The following NQO1 variants were observed in gnomAD, a reference collection of about 807,000 sequenced individuals.
NQO1 encodes NAD(P)H quinone dehydrogenase 1.
A neutral mutation model predicts 32.1 loss-of-function variants in NQO1; 30 were observed. That is an observed-to-expected ratio of 0.94 (90% CI 0.70 to 1.27). NQO1 has a LOEUF of 1.27. NQO1 is among the 50% of genes most tolerant of loss of function. The pLI is 0.00. For missense variants in NQO1, 276 were observed against 331.3 expected (o/e 0.83, Z 1.30); for synonymous variants, 109 against 119.7 (o/e 0.91, Z 0.59).
At position 69,711,181 on chromosome 16, in the gene NQO1, C is replaced by T. The variant is rs71534277; in HGVS notation, c.620G>A (p.Gly207Glu). ...AATATTCTCCAGGCGTTTCTTCCAT[C>T]CTTCCAGGATTTGAATTCGGGCGTC... ...PADARIQILE[G>E]WKKRLENIWD... The change falls in exon 6 of 6, where the codon GGA (glycine) becomes GAA (glutamate). Residue 207 changes from glycine to glutamate, a missense_variant. By Grantham distance (98) the Gly-to-Glu change is moderately conservative (BLOSUM62 -2). Transcript: ENST00000320623. 1 of 1,614,194 alleles carries T rather than the reference C, an allele frequency of 6.2e-7. No homozygotes were observed. Among genetic ancestry groups the T allele is most frequent in the Non-Finnish European group, 8.5e-7 (1 of 1,180,042 alleles).
intron 3 of NQO1, 65 bp from the exon 4 acceptor site, chr16:69,715,142 A>G (rs2038097097): frequency 2.5e-6 from 3 of 1,179,080 alleles, no homozygotes; most frequent in Non-Finnish European, 3.8e-6. Context: ...GGTGGCTCGG[A>G]GTGCTGAGCC....
At chr16:69,711,654 CT>C (rs903633662) in intron 5 of NQO1, among the ~76,000 whole-genome samples, 371 of 136,660 alleles carry the variant, frequency 2.7e-3, no homozygotes, top group African/African-American at 5.0e-3. Context: ...TTTTCTTTTT[CT>C]TTTTTTTTTT....
chr16:69,710,734 C>CATTAAAAAA lies in NQO1; in HGVS notation c.*241_*242insTTTTTTAAT. ...CCTTTAAAGAACATTTTTCTAGCAT[C>CATTAAAAAA]TTTCTACATCTTTCCCTAAGTGGCC... On this transcript the variant is annotated 3_prime_UTR_variant, in exon 6 of 6. Coordinates refer to ENST00000320623, the MANE Select transcript of NQO1 (RefSeq NM_000903.3). The CATTAAAAAA allele has an allele frequency of 2.2e-6, 1 of 456,586 alleles. No homozygotes were observed. The highest frequency in any genetic ancestry group is 3.9e-6 in the Non-Finnish European group (1 of 259,614). The allele number at this position is 456,586 out of a possible 1,614,324, so 28.3% of individuals were successfully genotyped here.
rs1462694673 is a variant in NQO1, at chr16:69,718,176, C to G, written c.250G>C (p.Asp84His). The G allele has an allele frequency of 6.2e-7, 1 of 1,614,126 alleles. No individual in the cohort carries two copies. The highest frequency in any genetic ancestry group is 8.5e-7 in the Non-Finnish European group (1 of 1,179,982). The change falls in exon 3 of 6, where the codon GAT (aspartate) becomes CAT (histidine). Residue 84 changes from aspartate (D) to histidine (H), a missense_variant. By Grantham distance (81) the Asp-to-His change is moderately conservative. Coordinates refer to ENST00000320623, the MANE Select transcript of NQO1 (RefSeq NM_000903.3). ...AGCTTCTTTTGTTCAGCCACAATAT[C>G]TGGGCTCAGATGGCCTTCTTTATAA... ...LAYKEGHLSP[D>H]IVAEQKKLEA...
At chr16:69,723,644 A>G (rs2151747622) in intron 1 of NQO1, among the ~76,000 whole-genome samples, 1 of 151,148 alleles carries the variant, frequency 6.6e-6, no homozygotes, top group Non-Finnish European at 1.5e-5. Context: ...CTAAAAATAC[A>G]AAAAAAAATT....
chr16:69,713,249 T>A, intron 4 of NQO1, 120 bp from the exon 5 acceptor site: 1 of 750,020 alleles, frequency 1.3e-6, no homozygotes. Flanking sequence ...CTGTTTATAT[T>A]ACTTCATACT....
intron 5 of NQO1, 104 bp downstream of exon 5, chr16:69,712,924 C>T (rs2038059656): frequency 8.9e-6 from 8 of 903,274 alleles, no homozygotes; most frequent in East Asian, 5.0e-5. Context: ...ACCCAGCGGG[C>T]GGAGCTTGTA....
chr16:69,718,571 A>G (rs2038148625), intron 1 of NQO1, 37 bp from the exon 2 acceptor site: 1 of 1,600,044 alleles, frequency 6.2e-7, no homozygotes, highest in South Asian at 1.1e-5. Flanking sequence ...CGGAAAACCC[A>G]TTACCAACCA....
chr16:69,713,432 G>A (rs148999130), intron 4 of NQO1, among the ~76,000 whole-genome samples: 1 of 152,262 alleles, frequency 6.6e-6, no homozygotes, highest in East Asian at 1.9e-4. Flanking sequence ...TGGAGTTATT[G>A]GTTGTTCTTA....
intron 1 of NQO1, among the ~76,000 whole-genome samples, chr16:69,724,085 G>A (rs918036152): frequency 2.0e-5 from 3 of 151,852 alleles, no homozygotes; most frequent in Admixed American, 6.6e-5. Flanking sequence ...AGACCGAGGC[G>A]GGTGGATTAC....
chr16:69,712,842 T>A (rs1055071873), intron 5 of NQO1, among the ~76,000 whole-genome samples, 186 bp downstream of exon 5: 2 of 151,892 alleles, frequency 1.3e-5, no homozygotes, highest in African/African-American at 4.8e-5. Context: ...CCGTCTCTAC[T>A]AAAAAATACA....
In NQO1 at chr16:69,709,893, C is replaced by A. The variant is rs1311745995; in HGVS notation, c.*1083G>T. Reference sequence around the variant, plus strand: ...AGTTTAGCAATGATAAAGAAAATAACCTTCTGAAAATTTGTATAGATCAGA... The same window carrying A: ...AGTTTAGCAATGATAAAGAAAATAAACTTCTGAAAATTTGTATAGATCAGA... On this transcript the variant is annotated 3_prime_UTR_variant, in exon 6 of 6. Coordinates refer to ENST00000320623, the MANE Select transcript of NQO1 (RefSeq NM_000903.3). 12 of 398,376 alleles carry A rather than the reference C, an allele frequency of 3.0e-5. No individual in the cohort carries two copies. Among genetic ancestry groups the A allele is most frequent in the Non-Finnish European group, 4.9e-5 (11 of 226,030 alleles). 24.7% of individuals were successfully genotyped at this position (398,376 alleles called of 1,614,324 possible).
chr16:69,721,831 CAAAA>C (rs11325347), intron 1 of NQO1, among the ~76,000 whole-genome samples: 1 of 97,126 alleles, frequency 1.0e-5, no homozygotes. Context: ...CCGTTTCTAC[CAAAA>C]AAAAAAAAAA....
At chr16:69,725,874 CAAACAAAACAAAACA>C (rs10595684) in intron 1 of NQO1, among the ~76,000 whole-genome samples, 6,987 of 150,334 alleles carry the variant, frequency 0.046, 566 homozygotes, top group African/African-American at 0.16. Context: ...AACTCCGTCT[CAAACAAAACAAAACA>C]AAACAAAACA....
Position 69,711,277 on chromosome 16 carries a change from C to T in NQO1, c.524G>A (p.Gly175Asp), listed in dbSNP as rs1056096944. Residue 175 changes from glycine (G) to aspartate (D), a missense_variant, in exon 6 of 6, where the codon GGC (glycine) becomes GAC (aspartate). Coordinates refer to ENST00000320623, the MANE Select transcript of NQO1 (RefSeq NM_000903.3). ...MNVILWPIQS[G>D]ILHFCGFQVL... ...TTGGAAGCCACAGAAATGCAGAATG[C>T]CACTCTGAGGATACAGAAAGCACAG... 6.2e-7 allele frequency: 1 copy of T among 1,606,236 alleles called. No homozygotes were observed. Among genetic ancestry groups the T allele is most frequent in the Non-Finnish European group, 8.5e-7 (1 of 1,174,178 alleles).
chr16:69,724,143 G>T (rs112475318), intron 1 of NQO1, among the ~76,000 whole-genome samples: 1 of 151,924 alleles, frequency 6.6e-6, no homozygotes, highest in African/African-American at 2.4e-5. Flanking sequence ...GTGAAACCCC[G>T]TCTCTACTAA....
chr16:69,721,727 C>T (rs1597603426), intron 1 of NQO1, among the ~76,000 whole-genome samples: 2 of 151,008 alleles, frequency 1.3e-5, no homozygotes, highest in Admixed American at 1.3e-4. Flanking sequence ...GGCGTGGTGG[C>T]TCACACCTGT....
chr16:69,715,355 T>G (rs551655841), intron 3 of NQO1, among the ~76,000 whole-genome samples: 1 of 152,384 alleles, frequency 6.6e-6, no homozygotes, highest in Admixed American at 6.5e-5. Context: ...AACTTGTTTG[T>G]ATGAAATCAC....
At chr16:69,715,171 G>A in intron 3 of NQO1, 94 bp from the exon 4 acceptor site, 1 of 852,708 alleles carries the variant, frequency 1.2e-6, no homozygotes, top group Non-Finnish European at 2.0e-6. Flanking sequence ...TGATGGCACT[G>A]TGTGGGAAGC....
Sources: gnomAD v4.1 joint callset for allele counts (sites outside exome capture counted in the v4.1 genomes callset) on GRCh38, gnomAD v4.1.1 for gene constraint, MANE v1.5 for transcripts, NCBI Gene and HGNC (gene_info 2026-07-23, HGNC 2026-07-21) for gene names.